The following GPATCH11 variants were observed in gnomAD, a reference collection of about 807,000 sequenced individuals.
GPATCH11 encodes G patch domain-containing protein 11.
A neutral mutation model predicts 44.8 loss-of-function variants in GPATCH11; 32 were observed. The ratio of observed to expected loss-of-function variants is 0.71; its 90% CI spans 0.54 to 0.96. GPATCH11 has a LOEUF of 0.96. GPATCH11 is among the 40% of genes least tolerant of loss of function. The pLI is 0.00. For synonymous variants in GPATCH11, 84 were observed against 94.4 expected, an observed-to-expected ratio of 0.89 and a Z score of 0.64; for missense variants, 324 against 303.1, an observed-to-expected ratio of 1.07 and a Z score of -0.51.
Position 37,084,564 on chromosome 2 carries a change from C to T in GPATCH11, c.-20C>T, listed in dbSNP as rs1350540586. On this transcript the variant is annotated 5_prime_UTR_variant, in exon 1 of 9. Coordinates refer to ENST00000674370, the MANE Select transcript of GPATCH11 (RefSeq NM_174931.4). ...GCGCTGAACCGGGGCGAGCAGAGAG[C>T]TGTCAGGTAAGAGAGCTGTCAGGTA... 25 of 1,232,342 alleles carry T rather than the reference C, an allele frequency of 2.0e-5. 1 individual carries two copies. The African/African-American group carries it at 2.9e-4, about 15-fold the overall frequency. 76.3% of individuals were successfully genotyped at this position (1,232,342 alleles called of 1,614,324 possible). A position where few individuals can be genotyped will look rare whatever the true frequency, so the allele number is the denominator to read the frequency against.
intron 1 of GPATCH11, among the ~76,000 whole-genome samples, chr2:37,085,805 A>G (rs1026180318): frequency 5.9e-5 from 9 of 152,240 alleles, no homozygotes; most frequent in African/African-American, 2.2e-4. Flanking sequence ...TTAGCAGCTT[A>G]GCTTAGTTTA....
At chr2:37,085,435 A>G (rs1286579205) in intron 1 of GPATCH11, among the ~76,000 whole-genome samples, 3 of 152,234 alleles carry the variant, frequency 2.0e-5, no homozygotes, top group Admixed American at 2.0e-4. Context: ...GTTATTACCA[A>G]TGAAGAATCT....
intron 1 of GPATCH11, among the ~76,000 whole-genome samples, chr2:37,086,926 T>C (rs1261965407): frequency 6.6e-6 from 1 of 152,200 alleles, no homozygotes; most frequent in African/African-American, 2.4e-5. Flanking sequence ...TGCAGAAATG[T>C]ATTAGTCTAT....
At chr2:37,085,284 A>G (rs1022961354) in intron 1 of GPATCH11, among the ~76,000 whole-genome samples, 6 of 152,234 alleles carry the variant, frequency 3.9e-5, no homozygotes, top group African/African-American at 1.4e-4. Flanking sequence ...TGGTTTTGAA[A>G]TAGTCATTTA....
rs1408503250 is a variant in GPATCH11 at position 37,099,227 on chromosome 2, CATTT to C, written c.*2969_*2972del. On this transcript the variant is annotated 3_prime_UTR_variant, in exon 9 of 9. Transcript: ENST00000674370. ...ATACCAAATTGGTTTTTCTAATAAACATTTATTTCAAGTGTTATTTGTTAAACAT... is the reference window on the plus strand; with the variant it reads ...ATACCAAATTGGTTTTTCTAATAAACATTTCAAGTGTTATTTGTTAAACAT... The C allele has an allele frequency of 6.6e-6, 1 of 152,108 alleles. No individual in the cohort carries two copies. Among genetic ancestry groups the C allele is most frequent in the Non-Finnish European group, 1.5e-5 (1 of 68,004 alleles). 9.4% of individuals were successfully genotyped at this position (152,108 alleles called of 1,614,324 possible).
rs995273631 is a variant in GPATCH11, at chr2:37,097,723, G to C, written c.*1460G>C. On this transcript the variant is annotated 3_prime_UTR_variant, in exon 9 of 9. Coordinates refer to ENST00000674370, the MANE Select transcript of GPATCH11 (RefSeq NM_174931.4). ...GGTAAGATAATCAGTAGTACAATTT[G>C]TATTAATCTCTGACCTAATATGACC... The C allele has an allele frequency of 2.6e-5, 4 of 152,208 alleles. No individual in the cohort carries two copies. 9.4% of individuals were successfully genotyped at this position (152,208 alleles called of 1,614,324 possible).
At chr2:37,094,881 C>T (rs1051041103) in intron 7 of GPATCH11, among the ~76,000 whole-genome samples, 9 of 149,084 alleles carry the variant, frequency 6.0e-5, no homozygotes, top group South Asian at 2.1e-4. Flanking sequence ...GCAGAGGTTG[C>T]GGTGAGCCAA....
Position 37,088,505 on chromosome 2 carries a change from G to GATTTT in GPATCH11, c.59+86_59+90dup, listed in dbSNP as rs1196995088. The GATTTT allele has an allele frequency of 3.1e-4, 256 of 821,658 alleles. 4 individuals carry two copies. The South Asian group carries it at 3.9e-3, about 13-fold the overall frequency. 50.9% of individuals were successfully genotyped at this position (821,658 alleles called of 1,614,324 possible). A position where few individuals can be genotyped will look rare whatever the true frequency, so the allele number is the denominator to read the frequency against. On this transcript the variant is annotated intron_variant, in intron 2 of 8. Coordinates refer to ENST00000674370, the MANE Select transcript of GPATCH11 (RefSeq NM_174931.4). Reference sequence around the variant, plus strand: ...GATGTGTAGATTAAGAAATGACATTGATTTTATTTTATTTTATTTTATTTT... The same window carrying GATTTT: ...GATGTGTAGATTAAGAAATGACATTGATTTTATTTTATTTTATTTTATTTTATTTT...
In GPATCH11 at chr2:37,084,565, T is replaced by C; in HGVS notation, c.-19T>C. 8.1e-7 allele frequency: 1 copy of C among 1,232,316 alleles called. No homozygotes were observed. 76.3% of individuals were successfully genotyped at this position (1,232,316 alleles called of 1,614,324 possible). A position where few individuals can be genotyped will look rare whatever the true frequency, so the allele number is the denominator to read the frequency against. On this transcript the variant is annotated 5_prime_UTR_variant, in exon 1 of 9. Coordinates refer to ENST00000674370, the MANE Select transcript of GPATCH11 (RefSeq NM_174931.4). Reference sequence around the variant, plus strand: ...CGCTGAACCGGGGCGAGCAGAGAGCTGTCAGGTAAGAGAGCTGTCAGGTAA... The same window carrying C: ...CGCTGAACCGGGGCGAGCAGAGAGCCGTCAGGTAAGAGAGCTGTCAGGTAA...
intron 6 of GPATCH11, among the ~76,000 whole-genome samples, chr2:37,093,494 T>G (rs933237615): frequency 6.6e-6 from 1 of 152,208 alleles, no homozygotes; most frequent in African/African-American, 2.4e-5. Flanking sequence ...TTCTTACATA[T>G]TACTTTACTT....
intron 6 of GPATCH11, 22 bp downstream of exon 6, chr2:37,092,277 A>C: frequency 7.7e-7 from 1 of 1,300,126 alleles, no homozygotes; most frequent in African/African-American, 1.5e-5. Context: ...ACCAGCTTTC[A>C]GTTTAGTAAA....
At chr2:37,087,116 TC>T (rs1276919266) in intron 1 of GPATCH11, among the ~76,000 whole-genome samples, 1 of 152,070 alleles carries the variant, frequency 6.6e-6, no homozygotes, top group Non-Finnish European at 1.5e-5. Flanking sequence ...AGACCTTCTT[TC>T]CCCCACAACC....
rs373150736 is a variant in GPATCH11, at chr2:37,092,030, A to T, written c.443A>T (p.Gln148Leu). ...KNQAEEKAAE[Q>L]FRMRLKNKQD... ...CAAGCTGAAGAAAAAGCTGCAGAAC[A>T]GTTTCGGTAAAACTATTTTTGAGCT... Residue 148 changes from glutamine (Q) to leucine (L), a missense_variant, in exon 5 of 9, where the codon CAG becomes CTG. Transcript: ENST00000674370. 1.2e-6 allele frequency: 2 copies of T among 1,612,554 alleles called. No individual in the cohort carries two copies. Among genetic ancestry groups the T allele is most frequent in the Non-Finnish European group, 1.7e-6 (2 of 1,179,080 alleles).
At chr2:37,095,625 A>G in intron 8 of GPATCH11, 107 bp downstream of exon 8, 1 of 1,221,912 alleles carries the variant, frequency 8.2e-7, no homozygotes, top group Non-Finnish European at 1.1e-6. Flanking sequence ...TTCAAATGGC[A>G]GTATGGGACC....
chr2:37,092,172 C>T lies in GPATCH11; in HGVS notation c.457C>T (p.Leu153Phe). ...ATTTTTTCTTTCAATTAGAATGCGA[C>T]TTAAAAATAAGCAAGATGAAATGAA... ...EKAAEQFRMR[L>F]KNKQDEMKLE... The change falls in exon 6 of 9, where the codon CTT (leucine) becomes TTT (phenylalanine). Residue 153 changes from leucine (L) to phenylalanine (F), a missense_variant. By Grantham distance (22) the Leu-to-Phe change is conservative (BLOSUM62 0). Coordinates refer to ENST00000674370, the MANE Select transcript of GPATCH11 (RefSeq NM_174931.4). The T allele has an allele frequency of 6.4e-7, 1 of 1,553,498 alleles. No homozygotes were observed. Among genetic ancestry groups the T allele is most frequent in the Non-Finnish European group, 8.7e-7 (1 of 1,154,794 alleles).
intron 2 of GPATCH11, 133 bp downstream of exon 2, chr2:37,088,573 T>G: frequency 1.9e-6 from 1 of 536,788 alleles, no homozygotes; most frequent in Non-Finnish European, 3.4e-6. Flanking sequence ...TGGAGTGCAG[T>G]GGCACAATCT....
chr2:37,091,433 A>C (rs2148642037), intron 4 of GPATCH11, among the ~76,000 whole-genome samples: 1 of 151,964 alleles, frequency 6.6e-6, no homozygotes, highest in South Asian at 2.1e-4. Context: ...AGTGGCACGC[A>C]CCTGTAGTCC....
At chr2:37,096,090 C>T in intron 8 of GPATCH11, 118 bp from the exon 9 acceptor site, 1 of 640,734 alleles carries the variant, frequency 1.6e-6, no homozygotes, top group East Asian at 3.1e-5. Context: ...TTTATCTTTT[C>T]TGGTTTAGCA....
chr2:37,087,941 A>G (rs1191392578), intron 1 of GPATCH11, among the ~76,000 whole-genome samples: 2 of 152,226 alleles, frequency 1.3e-5, no homozygotes, highest in Admixed American at 1.3e-4. Flanking sequence ...GCAAATAAAC[A>G]AAAAACCTCT....
Sources: gnomAD v4.1 joint callset for allele counts (sites outside exome capture counted in the v4.1 genomes callset) on GRCh38, gnomAD v4.1.1 for gene constraint, MANE v1.5 for transcripts, NCBI Gene and HGNC (gene_info 2026-07-23, HGNC 2026-07-21) for gene names.